The following UBE2D2 variants were observed in gnomAD, a reference collection of about 807,000 sequenced individuals.
UBE2D2 encodes the protein ubiquitin conjugating enzyme E2 D2, also known as ubiquitin-conjugating enzyme E2 D2.
A neutral mutation model predicts 24.2 loss-of-function variants in UBE2D2; 2 were observed. The observed-to-expected ratio is 0.08, with a 90% CI of 0.03 to 0.26. The LOEUF is 0.26. Ranked by LOEUF, UBE2D2 falls within the 10% of genes least tolerant of loss-of-function variation. The probability of loss-of-function intolerance (pLI) is 1.00; values close to 1 mark genes in which losing one functional copy is unlikely to be tolerated. For synonymous variants in UBE2D2, 58 were observed against 56.5 expected (o/e 1.03, Z -0.12); for missense variants, 44 against 177.6 (o/e 0.25, Z 4.28).
intron 1 of UBE2D2, among the ~76,000 whole-genome samples, chr5:139,544,636 A>G (rs543640464): frequency 2.0e-5 from 3 of 151,336 alleles, no homozygotes; most frequent in Non-Finnish European, 4.4e-5. Context: ...CACACACCCC[A>G]AAATTTTATG....
chr5:139,561,741 C>CA lies in UBE2D2; in HGVS notation c.-51_-50insA. On this transcript the variant is annotated 5_prime_UTR_variant, in exon 1 of 7. Transcript: ENST00000398733. ...AGGCTCCCTAGCCCCTTCCCCGTCC[C>CA]TTCCCCGCCCCCGTCCCCGCCCCGG... 2.8e-5 allele frequency: 39 copies of CA among 1,405,830 alleles called. No homozygotes were observed. The highest frequency in any genetic ancestry group is 3.1e-5 in the Non-Finnish European group (33 of 1,057,466). The allele number at this position is 1,405,830 out of a possible 1,614,324, so 87.1% of individuals were successfully genotyped here.
At chr5:139,571,916 A>C (rs1431379141) in intron 1 of UBE2D2, among the ~76,000 whole-genome samples, 1 of 151,396 alleles carries the variant, frequency 6.6e-6, no homozygotes, top group East Asian at 1.9e-4. Flanking sequence ...AACTTATCGA[A>C]GGTTTTCCCC....
intron 1 of UBE2D2, among the ~76,000 whole-genome samples, chr5:139,588,255 TTTTTG>T (rs543515170): frequency 3.6e-4 from 54 of 151,738 alleles, no homozygotes; most frequent in Non-Finnish European, 4.6e-4. Flanking sequence ...AGCGTTTTTT[TTTTTG>T]TTTTGTTTTG....
At chr5:139,621,435 A>G (rs1028831862) in intron 5 of UBE2D2, among the ~76,000 whole-genome samples, 1 of 152,192 alleles carries the variant, frequency 6.6e-6, no homozygotes, top group Non-Finnish European at 1.5e-5. Context: ...TATTCTCTGT[A>G]ATGAGTGTAT....
chr5:139,543,043 C>T (rs758501077), intron 1 of UBE2D2, among the ~76,000 whole-genome samples: 2 of 151,998 alleles, frequency 1.3e-5, no homozygotes, highest in African/African-American at 4.8e-5. Flanking sequence ...ACTACAGGCG[C>T]GCGCCACCAT....
At position 139,552,873 on chromosome 5, in the gene UBE2D2, G is replaced by A. The variant is rs191301430; in HGVS notation, c.-64+26261G>A. On this transcript the variant is annotated intron_variant, in intron 1 of 6. Coordinates refer to the UBE2D2 transcript ENST00000511725. ...AATTTTGTATTTTTAGTAGAGACGG[G>A]GTTTCTCCATGTTAGTCATGCTGGT... Among the ~76,000 whole-genome samples the A allele has an allele frequency of 2.5e-4, 38 of 151,970 alleles. No individual in the cohort carries two copies. The Middle Eastern group carries it at 0.01, about 41-fold the overall frequency.
At chr5:139,590,075 C>G (rs1753811993) in intron 1 of UBE2D2, among the ~76,000 whole-genome samples, 1 of 152,008 alleles carries the variant, frequency 6.6e-6, no homozygotes, top group African/African-American at 2.4e-5. Context: ...TGAGCCATTG[C>G]ACCTGGCCAG....
intron 1 of UBE2D2, among the ~76,000 whole-genome samples, chr5:139,571,886 C>T (rs1753359007): frequency 6.6e-6 from 1 of 151,354 alleles, no homozygotes; most frequent in African/African-American, 2.4e-5. Flanking sequence ...CTCTTCTCCA[C>T]TAACTCCTCT....
intron 1 of UBE2D2, among the ~76,000 whole-genome samples, chr5:139,595,871 GTTTT>G (rs200898806): frequency 7.4e-6 from 1 of 134,398 alleles, no homozygotes; most frequent in Non-Finnish European, 1.6e-5. Flanking sequence ...TTTCTTGTGG[GTTTT>G]TTTTTTGTTT....
intron 2 of UBE2D2, among the ~76,000 whole-genome samples, chr5:139,605,242 A>G (rs1754172696): frequency 6.6e-6 from 1 of 152,190 alleles, no homozygotes; most frequent in Non-Finnish European, 1.5e-5. Context: ...ATGTACTAGT[A>G]AATTTTTTTT....
intron 1 of UBE2D2, among the ~76,000 whole-genome samples, chr5:139,596,873 A>G (rs1200309841): frequency 1.3e-5 from 2 of 151,810 alleles, no homozygotes. Flanking sequence ...GTGAAACCCC[A>G]TCTCTTCTAA....
chr5:139,561,449 G>A lies in UBE2D2; in HGVS notation c.-343G>A, dbSNP rs1346056769. ...TGTCCGACCAAGAGAGGCCGGCCGA[G>A]CCCGAGGCTTGGGCTTTTGCTTTCT... is the stretch of plus-strand genomic sequence containing the variant. On this transcript the variant is annotated 5_prime_UTR_variant, in exon 1 of 7. Transcript: ENST00000398733. The A allele has an allele frequency of 3.5e-6, 1 of 286,086 alleles. No individual in the cohort carries two copies. Among genetic ancestry groups the A allele is most frequent in the African/African-American group, 2.2e-5 (1 of 45,684 alleles). The allele number at this position is 286,086 out of a possible 1,614,324, so 17.7% of individuals were successfully genotyped here.
intron 1 of UBE2D2, among the ~76,000 whole-genome samples, chr5:139,592,029 C>G (rs974302729): frequency 6.6e-6 from 1 of 152,044 alleles, no homozygotes; most frequent in Non-Finnish European, 1.5e-5. Flanking sequence ...TGGTGAAACG[C>G]CATCTCTACT....
chr5:139,548,175 A>AAAAAT (rs1752859361), intron 1 of UBE2D2, among the ~76,000 whole-genome samples: 1 of 38,382 alleles, frequency 2.6e-5, no homozygotes, highest in Non-Finnish European at 4.4e-5. Context: ...AAAAAAAAAA[A>AAAAAT]AAAAAAAATA....
At chr5:139,617,277 T>G (rs992362888) in intron 5 of UBE2D2, among the ~76,000 whole-genome samples, 1 of 151,722 alleles carries the variant, frequency 6.6e-6, no homozygotes, top group Non-Finnish European at 1.5e-5. Flanking sequence ...GCATATACAC[T>G]GTAACAAGAG....
intron 1 of UBE2D2, among the ~76,000 whole-genome samples, chr5:139,593,629 T>G (rs952822163): frequency 6.6e-6 from 1 of 152,148 alleles, no homozygotes. Flanking sequence ...ATATGTACTT[T>G]TTTTTAGAGA....
intron 6 of UBE2D2, among the ~76,000 whole-genome samples, chr5:139,624,875 TCTTG>T (rs1754582075): frequency 6.6e-6 from 1 of 152,222 alleles, no homozygotes; most frequent in African/African-American, 2.4e-5. Context: ...AGTAGTTGGT[TCTTG>T]CTTTTTCCTA....
chr5:139,620,547 T>C (rs1003856130), intron 5 of UBE2D2, among the ~76,000 whole-genome samples: 2 of 152,238 alleles, frequency 1.3e-5, no homozygotes, highest in African/African-American at 4.8e-5. Context: ...GAATGCCAGC[T>C]GCCAGAATTG....
At chr5:139,583,772 G>C (rs1031691604) in intron 1 of UBE2D2, among the ~76,000 whole-genome samples, 2 of 152,052 alleles carry the variant, frequency 1.3e-5, no homozygotes, top group African/African-American at 2.4e-5. Flanking sequence ...GAAAGAAAAA[G>C]AAGTTGTGAA....
Sources: allele counts gnomAD v4.1 joint callset (sites outside exome capture counted in the v4.1 genomes callset), GRCh38; gene constraint gnomAD v4.1.1; transcripts MANE v1.5; gene names NCBI Gene and HGNC (gene_info 2026-07-23, HGNC 2026-07-21).